ATXN7L1: variants seen among roughly 807,000 people sequenced by gnomAD.
ATXN7L1 encodes the protein ataxin 7 like 1, also known as ataxin-7-like protein 1.
Under a neutral mutation model 70.8 loss-of-function variants are expected in ATXN7L1, and 15 were observed. The observed-to-expected ratio is 0.21, with a 90% confidence interval of 0.14 to 0.33. The LOEUF is 0.33. Among genes scored for constraint, ATXN7L1 ranks in the 10% least tolerant of loss-of-function variants. The pLI is 1.00. For synonymous variants in ATXN7L1, 440 were observed against 445.1 expected, an observed-to-expected ratio of 0.99 and a Z score of 0.14; for missense variants, 975 against 1,097.1, an observed-to-expected ratio of 0.89 and a Z score of 1.57.
chr7:105,694,508 A>T (rs1300070555), intron 3 of ATXN7L1, among the ~76,000 whole-genome samples: 1 of 152,162 alleles, frequency 6.6e-6, no homozygotes, highest in Non-Finnish European at 1.5e-5. Flanking sequence ...CCCCATTATG[A>T]AGGAGGGAAA....
chr7:105,864,464 A>AAAG (rs1817094866), intron 2 of ATXN7L1, among the ~76,000 whole-genome samples: 1 of 148,178 alleles, frequency 6.7e-6, no homozygotes, highest in East Asian at 2.0e-4. Flanking sequence ...CTCAAAAAAA[A>AAAG]AAAAAAAAAA....
At chr7:105,828,717 G>T (rs891857979) in intron 2 of ATXN7L1, among the ~76,000 whole-genome samples, 4 of 152,146 alleles carry the variant, frequency 2.6e-5, no homozygotes. Flanking sequence ...AGAGGCTGAA[G>T]CTAAATGCAC....
chr7:105,618,120 G>T (rs1034271878), intron 9 of ATXN7L1: 1 of 454,606 alleles, frequency 2.2e-6, no homozygotes, highest in African/African-American at 2.0e-5. Context: ...GGAATATGGA[G>T]CTTGAGCTGA....
At chr7:105,795,029 C>T (rs1198218903) in intron 2 of ATXN7L1, among the ~76,000 whole-genome samples, 1 of 152,222 alleles carries the variant, frequency 6.6e-6, no homozygotes, top group African/African-American at 2.4e-5. Flanking sequence ...ACTCAGCCTG[C>T]TTCCCAATAG....
intron 3 of ATXN7L1, among the ~76,000 whole-genome samples, chr7:105,686,557 T>C (rs948538131): frequency 6.6e-6 from 1 of 152,140 alleles, no homozygotes; most frequent in Non-Finnish European, 1.5e-5. Flanking sequence ...CCATTTAATA[T>C]AATAACCTAC....
chr7:105,698,487 C>T (rs1324695167), intron 3 of ATXN7L1, among the ~76,000 whole-genome samples: 1 of 152,188 alleles, frequency 6.6e-6, no homozygotes, highest in Non-Finnish European at 1.5e-5. Context: ...ACTTCAGCCT[C>T]CTGAGTAGCT....
At chr7:105,674,758 C>A (rs1275571555) in intron 3 of ATXN7L1, among the ~76,000 whole-genome samples, 3 of 152,202 alleles carry the variant, frequency 2.0e-5, no homozygotes, top group African/African-American at 7.2e-5. Context: ...TGGCATTCCC[C>A]CTTCCTCCTC....
At position 105,712,831 on chromosome 7, in the gene ATXN7L1, G is replaced by T. The variant is rs545096974; in HGVS notation, c.356-47543C>A. 9.5e-4 allele frequency among the ~76,000 whole-genome samples: 144 copies of T among 152,282 alleles called. 3 individuals carry two copies. The South Asian group carries it at 0.029, about 30-fold the overall frequency. On this transcript the variant is annotated intron_variant, in intron 3 of 11. Transcript: ENST00000419735. Reference sequence around the variant, plus strand: ...AGCCCTCCAAACTGTTCCAACCTCTGCCTGTTATCCAGTTCCAAAGTCGCT... The same window carrying T: ...AGCCCTCCAAACTGTTCCAACCTCTTCCTGTTATCCAGTTCCAAAGTCGCT...
intron 2 of ATXN7L1, among the ~76,000 whole-genome samples, chr7:105,861,461 T>C (rs1343689166): frequency 1.7e-5 from 2 of 120,478 alleles, no homozygotes; most frequent in African/African-American, 6.5e-5. Context: ...ATTGCTAAGA[T>C]GGGAGGGAGG....
At chr7:105,730,762 A>T (rs757090066) in intron 3 of ATXN7L1, among the ~76,000 whole-genome samples, 1 of 152,102 alleles carries the variant, frequency 6.6e-6, no homozygotes, top group African/African-American at 2.4e-5. Flanking sequence ...AGAGGCAGCT[A>T]AGGAGACATG....
At chr7:105,681,788 C>A (rs1422671036) in intron 3 of ATXN7L1, among the ~76,000 whole-genome samples, 5 of 152,128 alleles carry the variant, frequency 3.3e-5, no homozygotes, top group African/African-American at 1.2e-4. Flanking sequence ...CACAAACAGA[C>A]AAATAATGTA....
At chr7:105,717,455 G>A (rs1439054667) in intron 3 of ATXN7L1, among the ~76,000 whole-genome samples, 1 of 152,162 alleles carries the variant, frequency 6.6e-6, no homozygotes, top group Non-Finnish European at 1.5e-5. Flanking sequence ...TTATTTTAGA[G>A]GCTACTCTGT....
chr7:105,848,233 G>A (rs968998000), intron 2 of ATXN7L1, among the ~76,000 whole-genome samples: 2 of 152,112 alleles, frequency 1.3e-5, no homozygotes, highest in African/African-American at 4.8e-5. Flanking sequence ...ACAATCTTTG[G>A]TGAGATATTG....
chr7:105,743,955 G>A (rs1345361215), intron 3 of ATXN7L1, among the ~76,000 whole-genome samples: 2 of 152,208 alleles, frequency 1.3e-5, no homozygotes, highest in Non-Finnish European at 1.5e-5. Flanking sequence ...TTTGAGCAAA[G>A]CAAAGCAAGG....
chr7:105,770,987 G>T (rs780557592), intron 3 of ATXN7L1, among the ~76,000 whole-genome samples: 1 of 151,966 alleles, frequency 6.6e-6, no homozygotes, highest in Non-Finnish European at 1.5e-5. Context: ...GGATCACGAG[G>T]TCAGGAGTTC....
chr7:105,837,262 G>A (rs1362506036), intron 2 of ATXN7L1, among the ~76,000 whole-genome samples: 1 of 152,080 alleles, frequency 6.6e-6, no homozygotes, highest in Non-Finnish European at 1.5e-5. Flanking sequence ...AGATCTGGGT[G>A]GGGACAAATA....
At chr7:105,819,778 GC>G (rs1809824916) in intron 2 of ATXN7L1, 2 of 690,130 alleles carry the variant, frequency 2.9e-6, no homozygotes, top group Admixed American at 1.8e-5. Flanking sequence ...GCAAGGCCGG[GC>G]CGCCCTGGAG....
At chr7:105,833,137 TC>T (rs1811868270) in intron 2 of ATXN7L1, among the ~76,000 whole-genome samples, 1 of 152,108 alleles carries the variant, frequency 6.6e-6, no homozygotes, top group Non-Finnish European at 1.5e-5. Context: ...CCCTCTGACC[TC>T]CCACCCTATC....
rs115054342 is a variant in ATXN7L1, at chr7:105,622,126, A to T, written c.1396-1805T>A. On this transcript the variant is annotated intron_variant, in intron 8 of 11. Coordinates refer to ENST00000419735, the MANE Select transcript of ATXN7L1 (RefSeq NM_020725.2). ...ATGCACCGAGCAAGCATTCATTACA[A>T]ACAATGATTTAATGTATCAACTGGC... Among the ~76,000 whole-genome samples, 875 of 152,352 alleles carry T rather than the reference A, an allele frequency of 5.7e-3. 9 individuals carry two copies. The highest frequency in any genetic ancestry group is 0.02 in the African/African-American group (833 of 41,570).
Sources: gnomAD v4.1 joint callset for allele counts (sites outside exome capture counted in the v4.1 genomes callset) on GRCh38, gnomAD v4.1.1 for gene constraint, MANE v1.5 for transcripts, NCBI Gene and HGNC (gene_info 2026-07-23, HGNC 2026-07-21) for gene names.